Variants in CHST11 observed in about 807,000 individuals in gnomAD.
CHST11 encodes the protein carbohydrate sulfotransferase 11.
CHST11 carries 9 observed loss-of-function variants against 30.4 expected under a neutral mutation model. The ratio of observed to expected loss-of-function variants is 0.30; its 90% CI spans 0.18 to 0.52. The LOEUF (loss-of-function observed/expected upper bound fraction) is 0.52. CHST11 is among the 20% of genes least tolerant of loss of function. The pLI, the probability that CHST11 is intolerant of heterozygous loss-of-function variation, is 0.97. For missense variants in CHST11, 348 were observed against 460.6 expected (o/e 0.76, Z 2.24); for synonymous variants, 152 against 187.8 (o/e 0.81, Z 1.56).
At chr12:104,694,025 T>G (rs1348504134) in intron 2 of CHST11, among the ~76,000 whole-genome samples, 1 of 152,138 alleles carries the variant, frequency 6.6e-6, no homozygotes, top group Non-Finnish European at 1.5e-5. Flanking sequence ...AATATGAAAA[T>G]TATTCTTAGC....
chr12:104,679,868 C>T (rs1162816204), intron 2 of CHST11, among the ~76,000 whole-genome samples: 1 of 152,146 alleles, frequency 6.6e-6, no homozygotes, highest in Non-Finnish European at 1.5e-5. Flanking sequence ...CAAAGGGTGG[C>T]GGCCCTGACT....
intron 1 of CHST11, among the ~76,000 whole-genome samples, chr12:104,474,980 T>G (rs1247234722): frequency 6.6e-6 from 1 of 152,180 alleles, no homozygotes; most frequent in Non-Finnish European, 1.5e-5. Context: ...GAGTAAAATT[T>G]TGTTAGAATT....
chr12:104,631,740 G>A (rs929811386), intron 2 of CHST11, among the ~76,000 whole-genome samples: 7 of 152,180 alleles, frequency 4.6e-5, no homozygotes, highest in Non-Finnish European at 1.0e-4. Flanking sequence ...GAAAATGCAA[G>A]GCCCCTTGTT....
chr12:104,594,644 G>A (rs1012445108), intron 1 of CHST11, among the ~76,000 whole-genome samples: 10 of 152,136 alleles, frequency 6.6e-5, no homozygotes, highest in Non-Finnish European at 1.5e-4. Context: ...TGGGTTCTAA[G>A]TTTCTTCTTT....
At chr12:104,733,888 G>C (rs1325997717) in intron 2 of CHST11, among the ~76,000 whole-genome samples, 1 of 152,188 alleles carries the variant, frequency 6.6e-6, no homozygotes, top group Non-Finnish European at 1.5e-5. Flanking sequence ...AAAAGCCAGC[G>C]GGGGGCGCTT....
At chr12:104,586,148 G>A (rs2038802480) in intron 1 of CHST11, among the ~76,000 whole-genome samples, 1 of 152,286 alleles carries the variant, frequency 6.6e-6, no homozygotes, top group Non-Finnish European at 1.5e-5. Context: ...GTCCCTAGTG[G>A]ATATGAATTT....
intron 1 of CHST11, among the ~76,000 whole-genome samples, chr12:104,473,363 G>A (rs1008095881): frequency 6.6e-6 from 1 of 152,152 alleles, no homozygotes; most frequent in African/African-American, 2.4e-5. Context: ...TGCTAATGGT[G>A]CCCTAGCTTC....
chr12:104,557,430 G>A (rs543769444), intron 1 of CHST11, among the ~76,000 whole-genome samples: 2 of 152,258 alleles, frequency 1.3e-5, no homozygotes, highest in African/African-American at 2.4e-5. Context: ...CTGAAGTGGA[G>A]GTGTGTATGG....
intron 1 of CHST11, among the ~76,000 whole-genome samples, chr12:104,464,103 T>G (rs2037435686): frequency 6.7e-6 from 1 of 150,294 alleles, no homozygotes; most frequent in African/African-American, 2.5e-5. Context: ...AGTCTTGCTC[T>G]GTCACCTAGG....
At chr12:104,664,583 G>A in intron 2 of CHST11, among the ~76,000 whole-genome samples, 1 of 152,104 alleles carries the variant, frequency 6.6e-6, no homozygotes, top group East Asian at 1.9e-4. Context: ...TCCCTCCTCA[G>A]ACAGAGCATG....
At position 104,753,641 on chromosome 12, in the gene CHST11, T is replaced by C. The variant is rs557814207; in HGVS notation, c.205-3308T>C. Among the ~76,000 whole-genome samples the C allele has an allele frequency of 6.6e-5, 10 of 152,274 alleles. No individual in the cohort carries two copies. In the South Asian group the frequency reaches 2.1e-3, roughly 32 times the overall value. ...AATACCCAGGCACTAAGGAAGAATA[T>C]TCTGGAAGATTCTCTGTGGGACCCA... is the stretch of plus-strand genomic sequence containing the variant. On this transcript the variant is annotated intron_variant, in intron 2 of 2. Transcript: ENST00000303694.
chr12:104,697,118 T>C (rs1171049387), intron 2 of CHST11, among the ~76,000 whole-genome samples: 1 of 152,248 alleles, frequency 6.6e-6, no homozygotes, highest in African/African-American at 2.4e-5. Context: ...CAAGTATAAG[T>C]GTGTCCCTAT....
At chr12:104,725,243 G>A (rs187612499) in intron 2 of CHST11, among the ~76,000 whole-genome samples, 187 of 152,286 alleles carry the variant, frequency 1.2e-3, no homozygotes, top group Non-Finnish European at 2.1e-3. Flanking sequence ...CGTTGTGTTC[G>A]TGTCAACACT....
chr12:104,490,091 G>A (rs950932085), intron 1 of CHST11, among the ~76,000 whole-genome samples: 8 of 152,208 alleles, frequency 5.3e-5, no homozygotes, highest in Admixed American at 5.2e-4. Context: ...GCAGCATTCA[G>A]CTTTCTAGTT....
At chr12:104,586,426 G>A (rs1205098558) in intron 1 of CHST11, among the ~76,000 whole-genome samples, 1 of 152,254 alleles carries the variant, frequency 6.6e-6, no homozygotes, top group Non-Finnish European at 1.5e-5. Context: ...TGAAGACTGT[G>A]TGAGTGTGAG....
intron 1 of CHST11, among the ~76,000 whole-genome samples, chr12:104,461,080 C>T (rs2037403474): frequency 6.6e-6 from 1 of 152,182 alleles, no homozygotes; most frequent in Non-Finnish European, 1.5e-5. Context: ...GCCAAGAATG[C>T]CTGGTCAATA....
At chr12:104,601,009 C>T (rs1207396816) in intron 1 of CHST11, among the ~76,000 whole-genome samples, 1 of 148,886 alleles carries the variant, frequency 6.7e-6, no homozygotes, top group Non-Finnish European at 1.5e-5. Context: ...CCCTTTCCTT[C>T]TCCTTTCCTC....
chr12:104,495,262 A>C (rs1161329146), intron 1 of CHST11, among the ~76,000 whole-genome samples: 1 of 152,076 alleles, frequency 6.6e-6, no homozygotes, highest in Non-Finnish European at 1.5e-5. Flanking sequence ...GCTGTTGTGG[A>C]TACTGCTGCT....
chr12:104,550,566 T>C (rs1250618672), intron 1 of CHST11, among the ~76,000 whole-genome samples: 1 of 152,202 alleles, frequency 6.6e-6, no homozygotes, highest in Non-Finnish European at 1.5e-5. Context: ...CCAATAACAC[T>C]GTTTACAAAA....
Sources: gnomAD v4.1 joint callset for allele counts (sites outside exome capture counted in the v4.1 genomes callset) on GRCh38, gnomAD v4.1.1 for gene constraint, MANE v1.5 for transcripts, NCBI Gene and HGNC (gene_info 2026-07-23, HGNC 2026-07-21) for gene names.